UNC13C: variants seen among roughly 807,000 people sequenced by gnomAD.
UNC13C encodes unc-13 homolog C.
In UNC13C, 174 loss-of-function variants were observed where a neutral mutation model predicts 245.4. The observed-to-expected ratio is 0.71, with a 90% CI of 0.63 to 0.80. The LOEUF is 0.80. Among genes scored for constraint, UNC13C ranks in the 30% least tolerant of loss-of-function variants. The probability of loss-of-function intolerance (pLI) is 0.00; values close to 1 mark genes in which losing one functional copy is unlikely to be tolerated. For synonymous variants in UNC13C, 992 were observed against 895.1 expected (o/e 1.11, Z -1.93); for missense variants, 2,829 against 2,602.9 (o/e 1.09, Z -1.89).
chr15:54,236,028 A>T (rs2140830831), intron 5 of UNC13C, among the ~76,000 whole-genome samples: 1 of 151,926 alleles, frequency 6.6e-6, no homozygotes, highest in African/African-American at 2.4e-5. Flanking sequence ...TAAAAAAAAA[A>T]AAATCATCGT....
chr15:53,993,159 T>TCTGACAG (rs1894467057), intron 1 of UNC13C, among the ~76,000 whole-genome samples: 1 of 152,070 alleles, frequency 6.6e-6, no homozygotes, highest in Non-Finnish European at 1.5e-5. Context: ...CCCAGGGAAG[T>TCTGACAG]AGGCTATGAG....
intron 8 of UNC13C, among the ~76,000 whole-genome samples, chr15:54,254,644 G>A (rs1596090604): frequency 6.6e-6 from 1 of 152,160 alleles, no homozygotes; most frequent in Admixed American, 6.5e-5. Flanking sequence ...CTACTGCTTT[G>A]GCTGAGTTCA....
intron 2 of UNC13C, among the ~76,000 whole-genome samples, chr15:54,123,977 T>C (rs1380000736): frequency 2.0e-5 from 3 of 152,180 alleles, no homozygotes; most frequent in African/African-American, 7.2e-5. Context: ...CTGGCTTTTT[T>C]CACTTAGCAT....
chr15:53,924,606 T>A, the UNC13C span, among the ~76,000 whole-genome samples: 4 of 152,234 alleles, frequency 2.6e-5, no homozygotes, highest in African/African-American at 9.6e-5. Flanking sequence ...CTGATTATCT[T>A]GTGCTTTGTT....
intron 19 of UNC13C, among the ~76,000 whole-genome samples, chr15:54,475,018 C>A (rs1198728618): frequency 2.0e-5 from 3 of 152,002 alleles, no homozygotes; most frequent in African/African-American, 7.2e-5. Flanking sequence ...CCCCATGACT[C>A]AAACACCTCC....
the UNC13C span, among the ~76,000 whole-genome samples, chr15:53,921,151 G>A: frequency 3.9e-5 from 6 of 151,904 alleles, no homozygotes; most frequent in Non-Finnish European, 8.8e-5. Flanking sequence ...AGACATTGAG[G>A]CATCTTTTTT....
intron 2 of UNC13C, chr15:54,050,636 G>T: frequency 2.2e-6 from 1 of 456,602 alleles, no homozygotes; most frequent in Non-Finnish European, 4.3e-6. Context: ...AACTTATGAG[G>T]ACAAAGCTTT....
intron 29 of UNC13C, among the ~76,000 whole-genome samples, chr15:54,558,108 G>T (rs1345787053): frequency 6.6e-6 from 1 of 152,056 alleles, no homozygotes; most frequent in African/African-American, 2.4e-5. Flanking sequence ...GTTGTGGGGT[G>T]GGGAGAGGTG....
At chr15:54,326,851 T>C (rs1381721173) in intron 14 of UNC13C, among the ~76,000 whole-genome samples, 1 of 152,020 alleles carries the variant, frequency 6.6e-6, no homozygotes, top group Non-Finnish European at 1.5e-5. Context: ...TGAGAACTGA[T>C]CAGTAAATTT....
At chr15:53,868,522 C>A in the UNC13C span, among the ~76,000 whole-genome samples, 7 of 152,218 alleles carry the variant, frequency 4.6e-5, no homozygotes, top group East Asian at 1.4e-3. Context: ...GAGGCCCGGC[C>A]TATGCAGTCT....
chr15:54,217,532 T>A (rs1394986028), intron 4 of UNC13C, among the ~76,000 whole-genome samples: 3 of 152,060 alleles, frequency 2.0e-5, no homozygotes, highest in Non-Finnish European at 4.4e-5. Flanking sequence ...TGTTCCTTAG[T>A]TTGGATGATT....
chr15:54,014,175 C>T lies in UNC13C; in HGVS notation c.1272C>T (p.Ser424=), dbSNP rs757396697. The change falls in exon 2 of 33, where the codon TCC becomes TCT. Residue 424 remains serine, a synonymous_variant. Coordinates refer to ENST00000260323, the MANE Select transcript of UNC13C (RefSeq NM_001080534.3). ...RERKEKGIPS[S]QTYESMAIKL... is the part of the protein sequence containing the mutation. ...GAAAAGAGAAAGGGATACCATCCTC[C>T]CAGACATATGAGAGCATGGCTATAA... 4 of 1,613,804 alleles carry T rather than the reference C, an allele frequency of 2.5e-6. No individual in the cohort carries two copies. The highest frequency in any genetic ancestry group is 3.4e-6 in the Non-Finnish European group (4 of 1,179,832).
intron 2 of UNC13C, among the ~76,000 whole-genome samples, chr15:54,108,799 C>T (rs1028151136): frequency 7.9e-5 from 12 of 152,186 alleles, no homozygotes; most frequent in African/African-American, 2.7e-4. Context: ...CCAAATTTCT[C>T]TCTCTTGGTT....
intron 2 of UNC13C, among the ~76,000 whole-genome samples, chr15:54,077,690 A>C (rs1898713908): frequency 6.6e-6 from 1 of 152,146 alleles, no homozygotes. Flanking sequence ...TCAAATTGGC[A>C]CAAATAGATG....
chr15:54,516,959 C>T (rs1214332218), intron 24 of UNC13C, among the ~76,000 whole-genome samples: 1 of 152,044 alleles, frequency 6.6e-6, no homozygotes, highest in African/African-American at 2.4e-5. Flanking sequence ...TGCAAGAGTG[C>T]AGGCAAGTAT....
intron 29 of UNC13C, among the ~76,000 whole-genome samples, chr15:54,558,326 G>A (rs1307112920): frequency 1.3e-5 from 2 of 151,894 alleles, no homozygotes; most frequent in African/African-American, 4.8e-5. Context: ...TTGTTTTTCC[G>A]AGGCCATAGC....
rs79095575 is a variant in UNC13C, at chr15:54,103,259, A to G, written c.2984-39759A>G. 5.2e-3 allele frequency among the ~76,000 whole-genome samples: 789 copies of G among 152,302 alleles called. 10 individuals are homozygous for G. Among genetic ancestry groups the G allele is most frequent in the African/African-American group, 0.018 (754 of 41,560 alleles). On this transcript the variant is annotated intron_variant, in intron 2 of 32. Transcript: ENST00000260323. ...CATCTCGCCATTCTTTTACACACATAGAAACACCTGTTCTCTCACACTTAT... is the reference window on the plus strand; with the variant it reads ...CATCTCGCCATTCTTTTACACACATGGAAACACCTGTTCTCTCACACTTAT...
chr15:54,229,020 A>G (rs1567117238), intron 4 of UNC13C, among the ~76,000 whole-genome samples: 1 of 152,170 alleles, frequency 6.6e-6, no homozygotes. Flanking sequence ...CTCAGGATCC[A>G]ACTGCTGGGA....
intron 28 of UNC13C, 30 bp downstream of exon 28, chr15:54,549,721 T>C: frequency 1.2e-5 from 17 of 1,458,078 alleles, no homozygotes; most frequent in Non-Finnish European, 1.6e-5. Context: ...TACTTATTCA[T>C]GGAAAGTAGT....
Sources: allele counts gnomAD v4.1 joint callset (sites outside exome capture counted in the v4.1 genomes callset), GRCh38; gene constraint gnomAD v4.1.1; transcripts MANE v1.5; gene names NCBI Gene and HGNC (gene_info 2026-07-23, HGNC 2026-07-21).